Variants in STAU2 observed in about 807,000 individuals in gnomAD.
STAU2 encodes double-stranded RNA-binding protein Staufen homolog 2.
Under a neutral mutation model 65.9 loss-of-function variants are expected in STAU2, and 20 were observed. The observed-to-expected ratio is 0.30, with a 90% CI of 0.21 to 0.44. The LOEUF is 0.44. STAU2 is among the 20% of genes least tolerant of loss of function. The pLI is 1.00. For missense variants in STAU2, 558 were observed against 683.9 expected (o/e 0.82, Z 2.05); for synonymous variants, 232 against 233.9 (o/e 0.99, Z 0.07).
intron 6 of STAU2, 184 bp downstream of exon 6, chr8:73,672,923 C>A: frequency 1.3e-5 from 6 of 468,654 alleles, no homozygotes; most frequent in Admixed American, 4.3e-5. Flanking sequence ...AAACTAGTTC[C>A]TGAAAACTGG....
At chr8:73,659,917 G>A (rs1056749029) in intron 6 of STAU2, among the ~76,000 whole-genome samples, 11 of 152,142 alleles carry the variant, frequency 7.2e-5, no homozygotes, top group Admixed American at 7.2e-4. Context: ...CTTGAGGGGA[G>A]AAAAACTTAC....
At chr8:73,689,193 C>A (rs752086836) in intron 4 of STAU2, among the ~76,000 whole-genome samples, 11 of 152,164 alleles carry the variant, frequency 7.2e-5, no homozygotes, top group Non-Finnish European at 1.6e-4. Flanking sequence ...ATAATACTTT[C>A]ATAAAATCTA....
intron 6 of STAU2, among the ~76,000 whole-genome samples, chr8:73,669,866 A>T (rs1316148245): frequency 6.6e-6 from 1 of 152,192 alleles, no homozygotes; most frequent in Non-Finnish European, 1.5e-5. Context: ...GAAGTAATAA[A>T]AGTAGTTTAT....
chr8:73,551,076 T>A (rs1807303226), intron 13 of STAU2: 1 of 987,178 alleles, frequency 1.0e-6, no homozygotes, highest in Admixed American at 6.2e-5. Flanking sequence ...CAATACACTC[T>A]CTACACACAA....
At chr8:73,628,709 G>GA (rs1813871978) in intron 6 of STAU2, among the ~76,000 whole-genome samples, 1 of 152,152 alleles carries the variant, frequency 6.6e-6, no homozygotes, top group South Asian at 2.1e-4. Context: ...TAAAAAGCAT[G>GA]AAAGTATAAA....
At chr8:73,573,135 G>A (rs1809240025) in intron 12 of STAU2, among the ~76,000 whole-genome samples, 1 of 152,192 alleles carries the variant, frequency 6.6e-6, no homozygotes, top group African/African-American at 2.4e-5. Flanking sequence ...CAAATCATGA[G>A]TGAACTCCCA....
chr8:73,622,572 A>T (rs868119819), intron 6 of STAU2, among the ~76,000 whole-genome samples: 2 of 152,098 alleles, frequency 1.3e-5, no homozygotes, highest in African/African-American at 4.8e-5. Context: ...GAGTCCAGGA[A>T]ATTCCGTATG....
intron 11 of STAU2, among the ~76,000 whole-genome samples, chr8:73,584,886 T>C (rs1378967745): frequency 6.6e-6 from 1 of 152,218 alleles, no homozygotes; most frequent in Non-Finnish European, 1.5e-5. Flanking sequence ...AAAATAATTA[T>C]TCACATGAAA....
In STAU2 at chr8:73,688,675, T is replaced by C; in HGVS notation, c.253A>G (p.Ser85Gly). 6.2e-7 allele frequency: 1 copy of C among 1,614,142 alleles called. No homozygotes were observed. Among genetic ancestry groups the C allele is most frequent in the South Asian group, 1.1e-5 (1 of 91,078 alleles). The change falls in exon 5 of 15, where the codon AGT becomes GGT. Residue 85 changes from serine (S) to glycine (G), a missense_variant. Around this residue, in one of 3 missense-constraint regions of STAU2, gnomAD observed 112 missense variants for 114.2 expected, o/e 0.98. Transcript: ENST00000524300. ...LPKPVQKPPK[S>G]NVNNNPGSIT... ...ATACCTGGGTTATTGTTAACATTAC[T>C]TTTGGGTGGCTTCTGAACTGGTTTG...
intron 13 of STAU2, among the ~76,000 whole-genome samples, chr8:73,465,659 T>C (rs972276490): frequency 6.6e-6 from 1 of 152,222 alleles, no homozygotes. Flanking sequence ...TGTGTCTGCA[T>C]CACTGGCTTG....
chr8:73,553,052 C>T (rs945903495), intron 12 of STAU2, among the ~76,000 whole-genome samples: 1 of 152,118 alleles, frequency 6.6e-6, no homozygotes, highest in African/African-American at 2.4e-5. Context: ...TCAAGCCAGG[C>T]CATGGACAGG....
chr8:73,631,648 A>C (rs2130031208), intron 6 of STAU2, among the ~76,000 whole-genome samples: 1 of 152,320 alleles, frequency 6.6e-6, no homozygotes, highest in East Asian at 1.9e-4. Flanking sequence ...ATTACAGTAC[A>C]GGAGTCTAGT....
chr8:73,614,226 C>T (rs1296415023), intron 8 of STAU2, among the ~76,000 whole-genome samples: 1 of 152,158 alleles, frequency 6.6e-6, no homozygotes, highest in African/African-American at 2.4e-5. Context: ...ATTACAGTTT[C>T]TCCATGTCTT....
At chr8:73,521,805 TTATAA>T (rs1312302160) in intron 13 of STAU2, among the ~76,000 whole-genome samples, 2 of 152,338 alleles carry the variant, frequency 1.3e-5, no homozygotes, top group South Asian at 2.1e-4. Flanking sequence ...CATTTTCTAC[TTATAA>T]TATTTTCAAT....
intron 5 of STAU2, among the ~76,000 whole-genome samples, chr8:73,686,455 GAGA>G (rs1818828098): frequency 1.3e-5 from 2 of 151,760 alleles, no homozygotes; most frequent in African/African-American, 2.4e-5. Context: ...GAGGCTGAGG[GAGA>G]AGAATTGCTT....
At chr8:73,655,949 A>T (rs1317245262) in intron 6 of STAU2, among the ~76,000 whole-genome samples, 1 of 139,980 alleles carries the variant, frequency 7.1e-6, no homozygotes, top group East Asian at 2.1e-4. Flanking sequence ...CGCTGGGCTA[A>T]TTTTTTTGTA....
At chr8:73,723,153 T>C (rs1382384151) in intron 3 of STAU2, among the ~76,000 whole-genome samples, 1 of 151,064 alleles carries the variant, frequency 6.6e-6, no homozygotes, top group Admixed American at 6.6e-5. Flanking sequence ...ACAGACTAAC[T>C]CATACTGGAA....
chr8:73,570,818 T>A (rs1809023275), intron 12 of STAU2, among the ~76,000 whole-genome samples: 1 of 152,182 alleles, frequency 6.6e-6, no homozygotes, highest in South Asian at 2.1e-4. Flanking sequence ...AGAAAAGAAT[T>A]TTCAACCCAG....
intron 13 of STAU2, among the ~76,000 whole-genome samples, chr8:73,435,098 C>A (rs1353621230): frequency 6.6e-6 from 1 of 151,792 alleles, no homozygotes; most frequent in African/African-American, 2.4e-5. Flanking sequence ...TGGAGATGCC[C>A]CCCCTGGACC....
Sources: gnomAD v4.1 joint callset for allele counts (sites outside exome capture counted in the v4.1 genomes callset) on GRCh38, gnomAD v4.1.1 for gene constraint, gnomAD v4.1.1 regional missense constraint, MANE v1.5 for transcripts, NCBI Gene and HGNC (gene_info 2026-07-23, HGNC 2026-07-21) for gene names.